Variants in ERCC6 observed in about 807,000 individuals in gnomAD.
ERCC6 encodes the protein DNA excision repair protein ERCC-6.
A neutral mutation model predicts 158.7 loss-of-function variants in ERCC6; 116 were observed. The ratio of observed to expected loss-of-function variants is 0.73; its 90% CI spans 0.63 to 0.85. The LOEUF (loss-of-function observed/expected upper bound fraction) is 0.85. ERCC6 is among the 40% of genes least tolerant of loss of function. The probability of loss-of-function intolerance (pLI) is 0.00; values close to 1 mark genes in which losing one functional copy is unlikely to be tolerated. For synonymous variants in ERCC6, 678 were observed against 659.3 expected, an observed-to-expected ratio of 1.03 and a Z score of -0.43; for missense variants, 1,698 against 1,799.4, an observed-to-expected ratio of 0.94 and a Z score of 1.02.
At chr10:49,533,891 T>C (rs1046578366) in intron 1 of ERCC6, among the ~76,000 whole-genome samples, 14 of 151,980 alleles carry the variant, frequency 9.2e-5, no homozygotes, top group African/African-American at 3.4e-4. Context: ...CCCAACACTT[T>C]GGGAGGCTGA....
chr10:49,534,514 T>G (rs1564448199), intron 1 of ERCC6, among the ~76,000 whole-genome samples: 2 of 152,110 alleles, frequency 1.3e-5, no homozygotes, highest in Admixed American at 6.5e-5. Context: ...ATGAACACAC[T>G]TATGCTGAAA....
At chr10:49,517,198 T>C (rs1347598865) in intron 5 of ERCC6, 11 of 1,502,378 alleles carry the variant, frequency 7.3e-6, no homozygotes, top group Non-Finnish European at 9.8e-6. Flanking sequence ...ACATGAAAAA[T>C]GTCAAACCCA....
At chr10:49,504,046 T>G (rs978055221) in intron 6 of ERCC6, 1 of 152,216 alleles carries the variant, frequency 6.6e-6, no homozygotes, top group Admixed American at 6.5e-5. Context: ...TTGCAGAAAA[T>G]GTACTTAAAT....
intron 2 of ERCC6, among the ~76,000 whole-genome samples, chr10:49,531,511 C>T (rs1012554): frequency 0.63 from 96,215 of 152,052 alleles, 32,407 homozygotes; most frequent in South Asian, 0.81. Flanking sequence ...GGCTGAGACA[C>T]CACATGCCAC....
chr10:49,483,482 C>A lies in ERCC6; in HGVS notation c.1856G>T (p.Gly619Val). Residue 619 changes from glycine (G) to valine (V), a missense_variant, in exon 9 of 21, where the codon GGA becomes GTA. Physicochemically the swap from Gly to Val is moderately radical, Grantham distance 109 (BLOSUM62 -3). Coordinates refer to ENST00000355832, the MANE Select transcript of ERCC6 (RefSeq NM_000124.4). ...GTAGGAGTAAGATGTGATCAAAATT[C>A]CATGACAATGAGCAACATCTCGAAT... ...KLIRDVAHCH[G>V]ILITSYSYIR... 1.2e-6 allele frequency: 2 copies of A among 1,614,102 alleles called. No homozygotes were observed. Among genetic ancestry groups the A allele is most frequent in the Non-Finnish European group, 1.7e-6 (2 of 1,179,986 alleles).
intron 18 of ERCC6, among the ~76,000 whole-genome samples, chr10:49,464,318 G>A (rs753747220): frequency 3.3e-5 from 5 of 152,116 alleles, no homozygotes; most frequent in Non-Finnish European, 5.9e-5. Context: ...GGTATCTGGC[G>A]GAAGAAATTT....
Position 49,524,281 on chromosome 10 carries a change from C to T in ERCC6, c.1149G>A (p.Glu383=). ...EYFPTEEEEE[E]EDDEVEGAEA... is the part of the protein sequence containing the mutation. ...CTGCCCCCTCCACCTCGTCATCTTC[C>T]TCCTCTTCCTCCTCCTCTGTGGGGA... The change falls in exon 5 of 21, where the codon GAG becomes GAA. Residue 383 remains glutamate, a synonymous_variant. Transcript: ENST00000355832. 6.2e-7 allele frequency: 1 copy of T among 1,614,000 alleles called. No homozygotes were observed. The highest frequency in any genetic ancestry group is 8.5e-7 in the Non-Finnish European group (1 of 1,179,952).
rs138822457 is a variant in ERCC6, at chr10:49,528,504, T to C, written c.565A>G (p.Thr189Ala). The C allele has an allele frequency of 1.4e-4, 230 of 1,614,218 alleles. No individual in the cohort carries two copies. The highest frequency in any genetic ancestry group is 4.9e-4 in the Middle Eastern group (3 of 6,062). Residue 189 changes from threonine (T) to alanine (A), a missense_variant, in exon 4 of 21, where the codon ACT (threonine) becomes GCT (alanine). Physicochemically the swap from Thr to Ala is moderately conservative, Grantham distance 58 (BLOSUM62 0). Coordinates refer to ENST00000355832, the MANE Select transcript of ERCC6 (RefSeq NM_000124.4). ...YNKEQQLKKI[T>A]AKQKHLQAIL... is the part of the protein sequence containing the mutation. ...GCCTGGAGATGCTTTTGTTTTGCAG[T>C]GATCTTTTTTAGCTGTTGTTCCTTG...
intron 7 of ERCC6, among the ~76,000 whole-genome samples, chr10:49,496,577 G>A (rs2132569320): frequency 6.6e-6 from 1 of 152,258 alleles, no homozygotes; most frequent in South Asian, 2.1e-4. Flanking sequence ...GGAGGCCGAG[G>A]CGGGTGGATC....
rs777886483 is a variant in ERCC6 at position 49,505,983 on chromosome 10, T to C, written c.1427A>G (p.Lys476Arg). 1.9e-5 allele frequency: 30 copies of C among 1,613,334 alleles called. No homozygotes were observed. Among genetic ancestry groups the C allele is most frequent in the Middle Eastern group, 1.6e-4 (1 of 6,082 alleles). ...GTCCTCCAGCTTCAGACGTTTCTCT[T>C]TGTCCTGCAGTCTCAGTTTATTCCA... ...RRWNKLRLQD[K>R]EKRLKLEDDS... The change falls in exon 6 of 21, where the codon AAA becomes AGA. Residue 476 changes from lysine to arginine, a missense_variant. Lys to Arg is a conservative substitution (Grantham distance 26, BLOSUM62 2). Coordinates refer to ENST00000355832, the MANE Select transcript of ERCC6 (RefSeq NM_000124.4).
At chr10:49,481,481 C>G (rs1161418536) in intron 10 of ERCC6, among the ~76,000 whole-genome samples, 1 of 152,114 alleles carries the variant, frequency 6.6e-6, no homozygotes, top group Non-Finnish European at 1.5e-5. Context: ...GTCTAAAATT[C>G]TTTTTCTAAT....
chr10:49,516,374 T>C, intron 5 of ERCC6: 4 of 1,614,126 alleles, frequency 2.5e-6, no homozygotes, highest in Non-Finnish European at 3.4e-6. Flanking sequence ...TTATGAGAGG[T>C]CGCAATTTGG....
intron 5 of ERCC6, chr10:49,515,275 C>T (rs1836912147): frequency 1.3e-6 from 2 of 1,530,390 alleles, no homozygotes; most frequent in Non-Finnish European, 1.8e-6. Flanking sequence ...AAAACCACTG[C>T]TACACTGTAC....
downstream of ERCC6, among the ~76,000 whole-genome samples, chr10:49,450,951 A>G (rs1850412910): frequency 6.6e-6 from 1 of 151,946 alleles, no homozygotes; most frequent in Admixed American, 6.6e-5. Context: ...AGCTGGGACT[A>G]CAGGCACCCG....
intron 18 of ERCC6, among the ~76,000 whole-genome samples, chr10:49,468,871 G>A (rs1258803496): frequency 6.6e-6 from 1 of 152,124 alleles, no homozygotes; most frequent in Non-Finnish European, 1.5e-5. Context: ...TCAAAGAATG[G>A]TGGGGACATA....
At chr10:49,437,387 G>C in the ERCC6 span, among the ~76,000 whole-genome samples, 6 of 152,150 alleles carry the variant, frequency 3.9e-5, no homozygotes, top group Admixed American at 3.9e-4. Context: ...CAAAGTCTCA[G>C]AATATTAAGT....
At chr10:49,518,812 G>A (rs371202047) in intron 5 of ERCC6, among the ~76,000 whole-genome samples, 288 of 152,264 alleles carry the variant, frequency 1.9e-3, no homozygotes, top group African/African-American at 6.5e-3. Flanking sequence ...TATCTTCGCA[G>A]GAGATTATGT....
intron 4 of ERCC6, among the ~76,000 whole-genome samples, chr10:49,527,048 G>A (rs943859294): frequency 6.6e-6 from 1 of 152,212 alleles, no homozygotes. Flanking sequence ...AAGAAAACCA[G>A]TAGAGAAGCA....
chr10:49,469,010 C>T (rs1850725509), intron 18 of ERCC6, among the ~76,000 whole-genome samples: 1 of 152,052 alleles, frequency 6.6e-6, no homozygotes, highest in South Asian at 2.1e-4. Flanking sequence ...TTAGTCCACA[C>T]TGATCTAAAA....
Sources: gnomAD v4.1 joint callset for allele counts (sites outside exome capture counted in the v4.1 genomes callset) on GRCh38, gnomAD v4.1.1 for gene constraint, MANE v1.5 for transcripts, NCBI Gene and HGNC (gene_info 2026-07-23, HGNC 2026-07-21) for gene names.